The following RARB variants were observed in gnomAD, a reference collection of about 807,000 sequenced individuals.
RARB encodes retinoic acid receptor beta, also known as HBV-activated protein.
Under a neutral mutation model 51.9 loss-of-function variants are expected in RARB, and 17 were observed. That is an observed-to-expected ratio of 0.33 (90% CI 0.22 to 0.49). RARB has a LOEUF of 0.49. Among genes scored for constraint, RARB ranks in the 20% least tolerant of loss-of-function variants. The pLI, the probability that RARB is intolerant of heterozygous loss-of-function variation, is 0.99. For synonymous variants in RARB, 215 were observed against 195.4 expected, an observed-to-expected ratio of 1.10 and a Z score of -0.84; for missense variants, 369 against 550.8, an observed-to-expected ratio of 0.67 and a Z score of 3.30.
At chr3:24,991,438 T>A (rs1348619495) in intron 2 of RARB, among the ~76,000 whole-genome samples, 4 of 119,348 alleles carry the variant, frequency 3.4e-5, no homozygotes, top group African/African-American at 1.4e-4. Context: ...AGCAAAACTC[T>A]GTCTCAAAAA....
At chr3:25,411,418 G>C (rs1170627128) in intron 5 of RARB, among the ~76,000 whole-genome samples, 1 of 152,192 alleles carries the variant, frequency 6.6e-6, no homozygotes, top group Non-Finnish European at 1.5e-5. Context: ...CATCTTGGGA[G>C]ATCCAGTGCA....
chr3:25,256,179 G>T (rs1473532742), intron 5 of RARB, among the ~76,000 whole-genome samples: 1 of 152,060 alleles, frequency 6.6e-6, no homozygotes, highest in African/African-American at 2.4e-5. Flanking sequence ...AACACCTATT[G>T]TATACTCGTC....
At chr3:25,565,384 T>A (rs1312783459) in intron 3 of RARB, among the ~76,000 whole-genome samples, 1 of 152,198 alleles carries the variant, frequency 6.6e-6, no homozygotes, top group Non-Finnish European at 1.5e-5. Context: ...AGTATTGTGG[T>A]AAATAATACT....
chr3:24,968,209 T>C (rs986698576), intron 2 of RARB, among the ~76,000 whole-genome samples: 3 of 152,138 alleles, frequency 2.0e-5, no homozygotes, highest in Non-Finnish European at 2.9e-5. Context: ...TGTGTAAATC[T>C]AATGCCATCT....
chr3:25,123,926 T>G (rs1362723040), intron 3 of RARB, among the ~76,000 whole-genome samples: 1 of 152,220 alleles, frequency 6.6e-6, no homozygotes, highest in Non-Finnish European at 1.5e-5. Context: ...CATATCTTAT[T>G]GGCCAAAGTA....
intron 5 of RARB, among the ~76,000 whole-genome samples, chr3:25,374,031 A>AT (rs1706383094): frequency 6.6e-6 from 1 of 152,194 alleles, no homozygotes; most frequent in Admixed American, 6.5e-5. Context: ...ATATTTCAAT[A>AT]TTTCAACCCA....
At chr3:25,120,570 C>CTCTCTCTCTCTCTCTCTCT (rs1553634832) in intron 3 of RARB, among the ~76,000 whole-genome samples, 1 of 62,312 alleles carries the variant, frequency 1.6e-5, no homozygotes, top group African/African-American at 5.1e-5. Flanking sequence ...TCTCGATATG[C>CTCTCTCTCTCTCTCTCTCT]CTATTAGAGT....
At chr3:25,045,103 C>G (rs145549454) in intron 2 of RARB, among the ~76,000 whole-genome samples, 3 of 152,146 alleles carry the variant, frequency 2.0e-5, no homozygotes, top group Non-Finnish European at 2.9e-5. Context: ...TTGAGAGGAG[C>G]GGAAGATGTC....
intron 4 of RARB, among the ~76,000 whole-genome samples, chr3:25,169,555 C>G (rs2125350651): frequency 6.6e-6 from 1 of 152,192 alleles, no homozygotes; most frequent in Admixed American, 6.5e-5. Flanking sequence ...TTTATCTGGT[C>G]ATAATATAAA....
chr3:24,945,130 T>A (rs1695746511), intron 2 of RARB, among the ~76,000 whole-genome samples: 1 of 152,200 alleles, frequency 6.6e-6, no homozygotes, highest in African/African-American at 2.4e-5. Context: ...GTAAATTTAG[T>A]TTTTTATAGT....
In RARB at chr3:25,343,573, C is replaced by T. The variant is rs183166200; in HGVS notation, c.179-117620C>T. Among the ~76,000 whole-genome samples the T allele has an allele frequency of 3.5e-3, 531 of 151,832 alleles. 1 individual carries two copies. Among genetic ancestry groups the T allele is most frequent in the Non-Finnish European group, 5.2e-3 (350 of 67,934 alleles). Reference sequence around the variant, plus strand: ...AAAAAAATTGGAAAAGGAAATTTTCCCAAATTTATGTTCCACAGAACCCAG... The same window carrying T: ...AAAAAAATTGGAAAAGGAAATTTTCTCAAATTTATGTTCCACAGAACCCAG... On this transcript the variant is annotated intron_variant, in intron 5 of 11. Transcript: ENST00000383772.
intron 5 of RARB, among the ~76,000 whole-genome samples, chr3:25,583,517 C>T (rs559065588): frequency 2.5e-4 from 38 of 152,366 alleles, no homozygotes; most frequent in Non-Finnish European, 5.4e-4. Context: ...GCACGCCTGC[C>T]AGGGCTGGCA....
intron 2 of RARB, among the ~76,000 whole-genome samples, chr3:24,865,229 G>T (rs1462750871): frequency 6.6e-6 from 1 of 152,170 alleles, no homozygotes; most frequent in Non-Finnish European, 1.5e-5. Context: ...TTTGTTCCAG[G>T]ACTTCCTGTG....
intron 5 of RARB, among the ~76,000 whole-genome samples, chr3:25,581,821 A>T (rs1240053958): frequency 6.6e-6 from 1 of 152,062 alleles, no homozygotes; most frequent in Non-Finnish European, 1.5e-5. Context: ...GTGACCTAAG[A>T]TGAGAGCCCT....
At chr3:25,227,883 CT>C (rs1425211754) in intron 5 of RARB, among the ~76,000 whole-genome samples, 1 of 151,982 alleles carries the variant, frequency 6.6e-6, no homozygotes, top group Non-Finnish European at 1.5e-5. Flanking sequence ...TTTAGAATGA[CT>C]TTTTTGTCTT....
chr3:25,030,463 T>C (rs1697847484), intron 2 of RARB, among the ~76,000 whole-genome samples: 1 of 152,238 alleles, frequency 6.6e-6, no homozygotes, highest in African/African-American at 2.4e-5. Flanking sequence ...TGTATTATCT[T>C]TTAATAATGG....
chr3:24,919,321 G>A (rs55852742), intron 2 of RARB, among the ~76,000 whole-genome samples: 1,975 of 152,248 alleles, frequency 0.013, 44 homozygotes, highest in African/African-American at 0.041. Flanking sequence ...GCCTCTTTAC[G>A]TATGTGAAGT....
intron 3 of RARB, among the ~76,000 whole-genome samples, chr3:25,540,062 C>T (rs976676453): frequency 1.1e-4 from 17 of 152,058 alleles, no homozygotes; most frequent in African/African-American, 4.1e-4. Flanking sequence ...TCCTGAAATC[C>T]CCTGCATATA....
chr3:24,859,145 T>C (rs1702693452), intron 2 of RARB, among the ~76,000 whole-genome samples: 1 of 152,138 alleles, frequency 6.6e-6, no homozygotes, highest in South Asian at 2.1e-4. Context: ...TTTAGAATGC[T>C]TACTCCAGTT....
Sources: allele counts gnomAD v4.1 joint callset (sites outside exome capture counted in the v4.1 genomes callset), GRCh38; gene constraint gnomAD v4.1.1; transcripts MANE v1.5; gene names NCBI Gene and HGNC (gene_info 2026-07-23, HGNC 2026-07-21).